Variants in PDE1A observed in about 807,000 individuals in gnomAD.
The protein encoded by PDE1A is dual specificity calcium/calmodulin-dependent 3',5'-cyclic nucleotide phosphodiesterase 1A.
A neutral mutation model predicts 61.7 loss-of-function variants in PDE1A; 35 were observed. The ratio of observed to expected loss-of-function variants is 0.57; its 90% CI spans 0.43 to 0.75. PDE1A has a LOEUF of 0.75. Among genes scored for constraint, PDE1A ranks in the 30% least tolerant of loss-of-function variants. The pLI, the probability that PDE1A is intolerant of heterozygous loss-of-function variation, is 0.00. For missense variants in PDE1A, 597 were observed against 630.6 expected (o/e 0.95, Z 0.57); for synonymous variants, 232 against 213.2 (o/e 1.09, Z -0.77).
chr2:182,648,988 G>T, the PDE1A span, among the ~76,000 whole-genome samples: 2 of 152,170 alleles, frequency 1.3e-5, no homozygotes, highest in East Asian at 1.9e-4. Flanking sequence ...TCAAACAAGA[G>T]GTGTCCCTAC....
intron 1 of PDE1A, among the ~76,000 whole-genome samples, chr2:182,356,351 A>C (rs1202686355): frequency 6.6e-6 from 1 of 152,190 alleles, no homozygotes; most frequent in Non-Finnish European, 1.5e-5. Flanking sequence ...CTATGTTACA[A>C]AACTTTTTCC....
At chr2:182,264,870 TATATATAC>T (rs931228477) in intron 1 of PDE1A, among the ~76,000 whole-genome samples, 9 of 114,210 alleles carry the variant, frequency 7.9e-5, no homozygotes, top group South Asian at 3.0e-4. Context: ...AAATGTGGTA[TATATATAC>T]ATATATATAT....
chr2:182,247,270 C>T (rs551923482), intron 2 of PDE1A, among the ~76,000 whole-genome samples: 1 of 151,946 alleles, frequency 6.6e-6, no homozygotes, highest in East Asian at 1.9e-4. Context: ...AAAAAGTATG[C>T]ATTGTTTATA....
chr2:182,471,442 T>G (rs1224634601), intron 2 of PDE1A, among the ~76,000 whole-genome samples: 1 of 151,724 alleles, frequency 6.6e-6, no homozygotes, highest in Admixed American at 6.6e-5. Flanking sequence ...AGAAGTCTCT[T>G]GAATTATGAC....
At chr2:182,157,014 A>AT (rs201637207) in intron 13 of PDE1A, among the ~76,000 whole-genome samples, 31 of 81,980 alleles carry the variant, frequency 3.8e-4, no homozygotes, top group African/African-American at 1.4e-3. Context: ...ATTTTATTTT[A>AT]TTTTATTTTT....
chr2:182,564,776 T>C, the PDE1A span, among the ~76,000 whole-genome samples: 1 of 152,212 alleles, frequency 6.6e-6, no homozygotes. Flanking sequence ...TTCTCTAAAC[T>C]TCCCTTCTCG....
chr2:182,175,696 C>T, intron 13 of PDE1A, among the ~76,000 whole-genome samples: 1 of 57,504 alleles, frequency 1.7e-5, no homozygotes, highest in Non-Finnish European at 3.4e-5. Flanking sequence ...TAATTAGATC[C>T]CATTTGTCAA....
At chr2:182,704,478 A>T in the PDE1A span, among the ~76,000 whole-genome samples, 1 of 152,310 alleles carries the variant, frequency 6.6e-6, no homozygotes, top group East Asian at 1.9e-4. Flanking sequence ...AAAAATCTAA[A>T]TATACGATTC....
At chr2:182,199,500 T>C (rs1300805744) in intron 10 of PDE1A, among the ~76,000 whole-genome samples, 1 of 152,084 alleles carries the variant, frequency 6.6e-6, no homozygotes, top group Non-Finnish European at 1.5e-5. Flanking sequence ...TTTTCAAATA[T>C]TATGTTTTCA....
the PDE1A span, among the ~76,000 whole-genome samples, chr2:182,555,645 G>T: frequency 6.6e-6 from 1 of 152,028 alleles, no homozygotes; most frequent in Non-Finnish European, 1.5e-5. Context: ...TAGTTATCAG[G>T]AATTTTTTAA....
the PDE1A span, among the ~76,000 whole-genome samples, chr2:182,675,777 G>A: frequency 6.6e-6 from 1 of 151,964 alleles, no homozygotes; most frequent in Non-Finnish European, 1.5e-5. Flanking sequence ...GTCTGTTCAT[G>A]TTTTTTGCCC....
At chr2:182,692,539 G>C in the PDE1A span, among the ~76,000 whole-genome samples, 1 of 151,834 alleles carries the variant, frequency 6.6e-6, no homozygotes, top group South Asian at 2.1e-4. Flanking sequence ...GGAGTGGGTA[G>C]GGATAGCATT....
At chr2:182,488,955 C>T (rs1222665776) in intron 2 of PDE1A, among the ~76,000 whole-genome samples, 1 of 152,182 alleles carries the variant, frequency 6.6e-6, no homozygotes, top group African/African-American at 2.4e-5. Flanking sequence ...ATGAAGTTTG[C>T]TTTCTAATGG....
In PDE1A at chr2:182,185,863, T is replaced by C. The variant is rs1474117509; in HGVS notation, c.1516+29A>G. The C allele has an allele frequency of 2.5e-6, 4 of 1,612,826 alleles. No homozygotes were observed. The African/African-American group carries it at 5.3e-5, about 22-fold the overall frequency. ...GAGGAGAAGTGAAGACAGAGAGAGA[T>C]GGCAGTAAGGCCTCATAAACAACAC... On this transcript the variant is annotated intron_variant, in intron 13 of 13. Transcript: ENST00000351439.
At chr2:182,536,271 C>T in the PDE1A span, among the ~76,000 whole-genome samples, 1 of 152,182 alleles carries the variant, frequency 6.6e-6, no homozygotes, top group Non-Finnish European at 1.5e-5. Flanking sequence ...AGGTACATGT[C>T]ATAAAAACCA....
chr2:182,551,583 G>T, the PDE1A span, among the ~76,000 whole-genome samples: 1 of 152,174 alleles, frequency 6.6e-6, no homozygotes, highest in Non-Finnish European at 1.5e-5. Context: ...ACTTCAGAGG[G>T]CTGCAGAGAA....
chr2:182,360,347 G>A (rs1365462990), intron 1 of PDE1A, among the ~76,000 whole-genome samples: 3 of 151,978 alleles, frequency 2.0e-5, no homozygotes, highest in Non-Finnish European at 2.9e-5. Context: ...TGAGGCAATC[G>A]GATTTGGCAA....
intron 2 of PDE1A, among the ~76,000 whole-genome samples, chr2:182,261,091 C>T (rs776060076): frequency 6.6e-6 from 1 of 152,026 alleles, no homozygotes; most frequent in Non-Finnish European, 1.5e-5. Flanking sequence ...GCCCTTAATA[C>T]GTGTTAGCTA....
the PDE1A span, among the ~76,000 whole-genome samples, chr2:182,605,519 G>A: frequency 6.6e-6 from 1 of 152,188 alleles, no homozygotes; most frequent in Non-Finnish European, 1.5e-5. Flanking sequence ...GGACAATGTG[G>A]AGCACATCTC....
Sources: allele counts gnomAD v4.1 joint callset (sites outside exome capture counted in the v4.1 genomes callset), GRCh38; gene constraint gnomAD v4.1.1; transcripts MANE v1.5; gene names NCBI Gene and HGNC (gene_info 2026-07-23, HGNC 2026-07-21).